PHACTR4: variants seen among roughly 807,000 people sequenced by gnomAD.
PHACTR4 encodes protein phosphatase 1, regulatory subunit 124.
A neutral mutation model predicts 72.7 loss-of-function variants in PHACTR4; 51 were observed. The observed-to-expected ratio is 0.70, with a 90% CI of 0.56 to 0.89. PHACTR4 has a LOEUF of 0.89. Ranked by LOEUF, PHACTR4 falls within the 40% of genes least tolerant of loss-of-function variation. PHACTR4 has a pLI of 0.00. For synonymous variants in PHACTR4, 255 were observed against 302.5 expected, an observed-to-expected ratio of 0.84 and a Z score of 1.63; for missense variants, 731 against 861.8, an observed-to-expected ratio of 0.85 and a Z score of 1.90.
At chr1:28,430,052 T>C (rs1656141722) in intron 2 of PHACTR4, among the ~76,000 whole-genome samples, 1 of 151,866 alleles carries the variant, frequency 6.6e-6, no homozygotes, top group Non-Finnish European at 1.5e-5. Flanking sequence ...AGACAGAGTC[T>C]CGCACTGTCA....
chr1:28,455,198 C>CTTTCTTTTTTTTT (rs1250815977), intron 2 of PHACTR4, among the ~76,000 whole-genome samples: 4 of 85,970 alleles, frequency 4.7e-5, no homozygotes, highest in Non-Finnish European at 6.3e-5. Flanking sequence ...TTCTTTCTTT[C>CTTTCTTTTTTTTT]TTTTTTTTTT....
At chr1:28,400,018 G>A (rs1292802313) in intron 1 of PHACTR4, among the ~76,000 whole-genome samples, 1 of 152,154 alleles carries the variant, frequency 6.6e-6, no homozygotes, top group Non-Finnish European at 1.5e-5. Context: ...AGAGAAGTAG[G>A]AAATGTGGTC....
chr1:28,475,669 T>A (rs145191387), intron 7 of PHACTR4, among the ~76,000 whole-genome samples: 170 of 152,088 alleles, frequency 1.1e-3, no homozygotes, highest in African/African-American at 4.0e-3. Flanking sequence ...GGGAGAGAAT[T>A]AATTATAAGT....
Position 28,498,853 on chromosome 1 carries a change from C to CAGATAACGA in PHACTR4, c.*2304_*2305insAGATAACGA. ...ATCTCAGCACTTTGGGAAGCCAAGG[C>CAGATAACGA]GGTCAGGAGTTTGAGACCAGCCTGA... On this transcript the variant is annotated 3_prime_UTR_variant, in exon 14 of 14. Coordinates refer to ENST00000373839, the MANE Select transcript of PHACTR4 (RefSeq NM_001048183.3). The CAGATAACGA allele has an allele frequency of 6.6e-6, 1 of 151,820 alleles. No homozygotes were observed. The highest frequency in any genetic ancestry group is 3.4e-3 in the Middle Eastern group (1 of 294). 9.4% of individuals were successfully genotyped at this position (151,820 alleles called of 1,614,324 possible).
chr1:28,427,293 C>G (rs548424186), intron 2 of PHACTR4, among the ~76,000 whole-genome samples: 1 of 151,992 alleles, frequency 6.6e-6, no homozygotes, highest in Non-Finnish European at 1.5e-5. Flanking sequence ...CGGGAGGCAG[C>G]GGGATGTGGA....
Position 28,493,099 on chromosome 1 carries a change from C to T in PHACTR4, c.2093+8C>T, listed in dbSNP as rs755772203. On this transcript the variant is annotated splice_region_variant and intron_variant, in intron 13 of 13. Transcript: ENST00000373839. ...GAGCAAACATTTTACACGGTAAGAC[C>T]CAAAAGACCCAATCATATATGTGCT... 19 of 1,604,958 alleles carry T rather than the reference C, an allele frequency of 1.2e-5. No homozygotes were observed. Among genetic ancestry groups the T allele is most frequent in the Admixed American group, 3.3e-5 (2 of 59,930 alleles).
intron 1 of PHACTR4, among the ~76,000 whole-genome samples, chr1:28,404,001 T>C (rs1459959266): frequency 6.6e-6 from 1 of 152,234 alleles, no homozygotes; most frequent in Non-Finnish European, 1.5e-5. Flanking sequence ...TTTTTAGCTA[T>C]TATGAATAAT....
At chr1:28,372,177 G>T (rs1651300311) in intron 1 of PHACTR4, among the ~76,000 whole-genome samples, 1 of 151,970 alleles carries the variant, frequency 6.6e-6, no homozygotes, top group South Asian at 2.1e-4. Context: ...GAGCCACCGT[G>T]CCTGGCCAAT....
intron 2 of PHACTR4, among the ~76,000 whole-genome samples, chr1:28,422,131 T>C (rs1655548209): frequency 6.6e-6 from 1 of 152,240 alleles, no homozygotes; most frequent in Non-Finnish European, 1.5e-5. Flanking sequence ...ACTTGTGTTA[T>C]TGGAATTTCC....
intron 8 of PHACTR4, among the ~76,000 whole-genome samples, chr1:28,478,969 G>C (rs1346203257): frequency 2.6e-5 from 4 of 151,896 alleles, no homozygotes; most frequent in Non-Finnish European, 5.9e-5. Context: ...CACAATGGCT[G>C]TACTAATTTC....
At position 28,496,748 on chromosome 1, in the gene PHACTR4, G is replaced by T; in HGVS notation, c.*199G>T. 4 of 637,626 alleles carry T rather than the reference G, an allele frequency of 6.3e-6. No individual in the cohort carries two copies. The highest frequency in any genetic ancestry group is 1.1e-5 in the Non-Finnish European group (4 of 361,918). The allele number at this position is 637,626 out of a possible 1,614,324, so 39.5% of individuals were successfully genotyped here. Reference sequence around the variant, plus strand: ...TGCACCGGGGGCAAAACAACACTTTGTCAGTGCTTTTGAACCTTTCAATAT... The same window carrying T: ...TGCACCGGGGGCAAAACAACACTTTTTCAGTGCTTTTGAACCTTTCAATAT... On this transcript the variant is annotated 3_prime_UTR_variant, in exon 14 of 14. Coordinates refer to ENST00000373839, the MANE Select transcript of PHACTR4 (RefSeq NM_001048183.3).
intron 2 of PHACTR4, among the ~76,000 whole-genome samples, chr1:28,456,052 G>A (rs929733351): frequency 6.6e-6 from 1 of 151,610 alleles, no homozygotes; most frequent in Non-Finnish European, 1.5e-5. Context: ...TTTGAGACAA[G>A]GTCCCTGTAT....
intron 2 of PHACTR4, among the ~76,000 whole-genome samples, chr1:28,448,933 T>C (rs1657727476): frequency 1.3e-5 from 2 of 151,604 alleles, no homozygotes; most frequent in African/African-American, 2.4e-5. Context: ...GAGGATTGCT[T>C]GAGACCAGGA....
chr1:28,416,124 CA>C (rs957695876), intron 2 of PHACTR4, among the ~76,000 whole-genome samples: 2 of 152,074 alleles, frequency 1.3e-5, no homozygotes, highest in African/African-American at 4.8e-5. Context: ...GAATGAAAGA[CA>C]AAATACAAGC....
intron 1 of PHACTR4, among the ~76,000 whole-genome samples, chr1:28,396,679 A>G (rs913188600): frequency 6.9e-6 from 1 of 144,594 alleles, no homozygotes; most frequent in African/African-American, 2.6e-5. Flanking sequence ...TTTTTTTGAG[A>G]CGGTGTTTTG....
chr1:28,449,270 G>T (rs1657756090), intron 2 of PHACTR4, among the ~76,000 whole-genome samples: 1 of 152,158 alleles, frequency 6.6e-6, no homozygotes, highest in Non-Finnish European at 1.5e-5. Flanking sequence ...GCTGCACTGT[G>T]CCATGATCGC....
At chr1:28,406,066 T>C (rs745876193) in intron 1 of PHACTR4, among the ~76,000 whole-genome samples, 3 of 152,242 alleles carry the variant, frequency 2.0e-5, no homozygotes, top group Non-Finnish European at 4.4e-5. Context: ...ATTTAAGTTA[T>C]ATTTAAGGTT....
rs766779575 is a variant in PHACTR4 at position 28,474,025 on chromosome 1, C to T, written c.1295C>T (p.Thr432Ile). 10 of 1,614,092 alleles carry T rather than the reference C, an allele frequency of 6.2e-6. No individual in the cohort carries two copies. The highest frequency in any genetic ancestry group is 1.6e-4 in the Middle Eastern group (1 of 6,084). Residue 432 changes from threonine (T) to isoleucine (I), a missense_variant, in exon 7 of 14, where the codon ACT (threonine) becomes ATT (isoleucine). Thr to Ile is a moderately conservative substitution (Grantham distance 89). This residue lies in a region of PHACTR4 where 621 missense variants were observed against 676.6 expected (regional missense o/e 0.92). Coordinates refer to ENST00000373839, the MANE Select transcript of PHACTR4 (RefSeq NM_001048183.3). ...GCCCTCACCAGCCCACTTCCCATGA[C>T]TCCTATTCTGGAGGGTTCTCACAGA... ...QQALTSPLPMTPILEGSHRAH... is the reference protein window; with the variant it reads ...QQALTSPLPMIPILEGSHRAH...
rs1658568737 is a variant in PHACTR4 at position 28,458,493 on chromosome 1, C to T, written c.17-592C>T. 2.6e-5 allele frequency among the ~76,000 whole-genome samples: 4 copies of T among 152,082 alleles called. No homozygotes were observed. In the South Asian group the frequency reaches 8.3e-4, roughly 31 times the overall value. On this transcript the variant is annotated intron_variant, in intron 2 of 13. Coordinates refer to ENST00000373839, the MANE Select transcript of PHACTR4 (RefSeq NM_001048183.3). ...TACTATGGTAAACAAATTGGAATCT[C>T]ACCTCTACTTTCTGAAAACATTTCC...
Sources: gnomAD v4.1 joint callset for allele counts (sites outside exome capture counted in the v4.1 genomes callset) on GRCh38, gnomAD v4.1.1 for gene constraint, gnomAD v4.1.1 regional missense constraint, MANE v1.5 for transcripts, NCBI Gene and HGNC (gene_info 2026-07-23, HGNC 2026-07-21) for gene names.